Variants in ANKRD17 observed in about 807,000 individuals in gnomAD.
ANKRD17 encodes the protein ankyrin repeat domain 17.
ANKRD17 carries 19 observed loss-of-function variants against 229.7 expected under a neutral mutation model. That is an observed-to-expected ratio of 0.08 (90% CI 0.06 to 0.12). ANKRD17 has a LOEUF of 0.12. Ranked by LOEUF, ANKRD17 falls within the 10% of genes least tolerant of loss-of-function variation. The probability of loss-of-function intolerance (pLI) is 1.00; values close to 1 mark genes in which losing one functional copy is unlikely to be tolerated. For missense variants in ANKRD17, 2,176 were observed against 3,176.8 expected (o/e 0.68, Z 7.57); for synonymous variants, 1,112 against 1,146.1 (o/e 0.97, Z 0.60).
At chr4:73,141,232 C>T (rs1041076967) in intron 14 of ANKRD17, among the ~76,000 whole-genome samples, 1 of 152,172 alleles carries the variant, frequency 6.6e-6, no homozygotes, top group African/African-American at 2.4e-5. Flanking sequence ...GTGTAACATA[C>T]ACAAGTCAAA....
chr4:73,134,376 A>G (rs1397450738), intron 16 of ANKRD17, among the ~76,000 whole-genome samples: 1 of 152,180 alleles, frequency 6.6e-6, no homozygotes, highest in Non-Finnish European at 1.5e-5. Context: ...AGTAAACTGC[A>G]AACATTTCTT....
At chr4:73,120,032 G>T in intron 21 of ANKRD17, 130 bp downstream of exon 21, 1 of 982,604 alleles carries the variant, frequency 1.0e-6, no homozygotes, top group Non-Finnish European at 1.5e-6. Flanking sequence ...GTAGGTTTGG[G>T]GGAAAAAGCA....
chr4:73,109,778 T>C (rs1436436009), intron 24 of ANKRD17, among the ~76,000 whole-genome samples: 1 of 151,372 alleles, frequency 6.6e-6, no homozygotes, highest in Non-Finnish European at 1.5e-5. Context: ...GTTACTGAGG[T>C]TCATGTGAGA....
chr4:73,239,893 A>G (rs1003297550), intron 1 of ANKRD17, among the ~76,000 whole-genome samples: 6 of 152,200 alleles, frequency 3.9e-5, no homozygotes, highest in African/African-American at 1.4e-4. Context: ...ATTTATCTAC[A>G]TTGTATCTTA....
chr4:73,220,424 T>G (rs1444512581), intron 1 of ANKRD17, among the ~76,000 whole-genome samples: 1 of 152,156 alleles, frequency 6.6e-6, no homozygotes, highest in Non-Finnish European at 1.5e-5. Context: ...TACCTTGGAC[T>G]GTTGAAAAGC....
Position 73,085,456 on chromosome 4 carries a change from A to G in ANKRD17, c.6962-10T>C. 1.9e-6 allele frequency: 3 copies of G among 1,606,144 alleles called. No individual in the cohort carries two copies. The highest frequency in any genetic ancestry group is 2.6e-6 in the Non-Finnish European group (3 of 1,172,892). ...TCCATATTGACAATACCTATAATGT[A>G]GAAGGTCATCATAATTTATAATAGT... On this transcript the variant is annotated splice_polypyrimidine_tract_variant and intron_variant, in intron 29 of 33. Transcript: ENST00000358602.
At chr4:73,123,383 A>G (rs1471982316) in intron 18 of ANKRD17, among the ~76,000 whole-genome samples, 1 of 152,090 alleles carries the variant, frequency 6.6e-6, no homozygotes, top group East Asian at 1.9e-4. Context: ...TTTGGCTTAT[A>G]ATACTTTTAA....
intron 1 of ANKRD17, among the ~76,000 whole-genome samples, chr4:73,224,518 C>T (rs554583621): frequency 6.6e-6 from 1 of 152,208 alleles, no homozygotes; most frequent in South Asian, 2.1e-4. Context: ...TACACGGTTT[C>T]TGGTATTTAA....
chr4:73,074,685 A>G lies in ANKRD17; in HGVS notation c.*1546T>C, dbSNP rs533176931. ...TTGACAACCAAGGAACCATGTTAAT[A>G]TCATCAACTCTAGGTGATTTATATG... is the stretch of plus-strand genomic sequence containing the variant. On this transcript the variant is annotated 3_prime_UTR_variant, in exon 34 of 34. Transcript: ENST00000358602. 6.6e-6 allele frequency: 1 copy of G among 152,312 alleles called. No homozygotes were observed. Among genetic ancestry groups the G allele is most frequent in the Non-Finnish European group, 1.5e-5 (1 of 67,856 alleles). The allele number at this position is 152,312 out of a possible 1,614,324, so 9.4% of individuals were successfully genotyped here.
chr4:73,161,242 T>G lies in ANKRD17; in HGVS notation c.654A>C (p.Ala218=), dbSNP rs772336253. The G allele has an allele frequency of 1.2e-6, 2 of 1,614,242 alleles. No homozygotes were observed. Among genetic ancestry groups the G allele is most frequent in the Admixed American group, 1.7e-5 (1 of 60,022 alleles). The change falls in exon 3 of 34, where the codon GCA becomes GCC. Residue 218 remains alanine (A), a synonymous_variant. Transcript: ENST00000358602. The part of the protein sequence containing the change: ...VSCALDEAAA[A]LTRMRAESTA... The stretch of plus-strand genomic sequence containing the variant: ...TGCTTTCAGCTCTCATACGGGTAAG[T>G]GCAGCAGCAGCTTCATCCAACGCAC...
chr4:73,185,498 C>G (rs1736173145), intron 1 of ANKRD17, among the ~76,000 whole-genome samples: 1 of 151,836 alleles, frequency 6.6e-6, no homozygotes, highest in Non-Finnish European at 1.5e-5. Context: ...AAAAATTTAC[C>G]ATACTTAAAA....
chr4:73,173,028 T>C (rs963039660), intron 2 of ANKRD17, among the ~76,000 whole-genome samples: 18 of 151,838 alleles, frequency 1.2e-4, no homozygotes, highest in Non-Finnish European at 2.5e-4. Context: ...GCTGAATGGA[T>C]AAAAAACAAG....
intron 1 of ANKRD17, among the ~76,000 whole-genome samples, chr4:73,191,213 T>C (rs1397194338): frequency 1.3e-5 from 2 of 151,954 alleles, no homozygotes; most frequent in African/African-American, 2.4e-5. Context: ...AACATATATA[T>C]ATGGGACTTA....
At chr4:73,249,714 C>A (rs904589469) in intron 1 of ANKRD17, among the ~76,000 whole-genome samples, 3 of 152,146 alleles carry the variant, frequency 2.0e-5, no homozygotes, top group Admixed American at 6.5e-5. Flanking sequence ...ATTAGCCGGG[C>A]GTGGTGGCGC....
chr4:73,099,383 C>T (rs771635709), intron 25 of ANKRD17, among the ~76,000 whole-genome samples: 1 of 152,136 alleles, frequency 6.6e-6, no homozygotes, highest in Non-Finnish European at 1.5e-5. Flanking sequence ...TTCCCAGCTC[C>T]CCGCAACCAC....
chr4:73,235,186 C>T (rs1743392212), intron 1 of ANKRD17, among the ~76,000 whole-genome samples: 1 of 152,156 alleles, frequency 6.6e-6, no homozygotes, highest in Non-Finnish European at 1.5e-5. Flanking sequence ...TATTCATGTG[C>T]TTTGGGTAGA....
At chr4:73,179,100 T>C (rs1735105508) in intron 1 of ANKRD17, among the ~76,000 whole-genome samples, 1 of 152,002 alleles carries the variant, frequency 6.6e-6, no homozygotes, top group South Asian at 2.1e-4. Flanking sequence ...TCTTGAAAAG[T>C]CAACTATCAA....
chr4:73,251,136 A>G (rs1744988607), intron 1 of ANKRD17, among the ~76,000 whole-genome samples: 1 of 152,156 alleles, frequency 6.6e-6, no homozygotes, highest in Non-Finnish European at 1.5e-5. Context: ...CTCCTTTAAA[A>G]GATCATGTAA....
At chr4:73,155,979 T>TA (rs778202764) in intron 4 of ANKRD17, 40 bp downstream of exon 4, 46 of 1,537,106 alleles carry the variant, frequency 3.0e-5, no homozygotes, top group Non-Finnish European at 3.6e-5. Context: ...AGCCAGTTTT[T>TA]AAAAAAACAA....
Sources: gnomAD v4.1 joint callset for allele counts (sites outside exome capture counted in the v4.1 genomes callset) on GRCh38, gnomAD v4.1.1 for gene constraint, MANE v1.5 for transcripts, NCBI Gene and HGNC (gene_info 2026-07-23, HGNC 2026-07-21) for gene names.